PLXDC2: variants seen among roughly 807,000 people sequenced by gnomAD.
PLXDC2 encodes plexin domain-containing protein 2.
Under a neutral mutation model 68.9 loss-of-function variants are expected in PLXDC2, and 40 were observed. The ratio of observed to expected loss-of-function variants is 0.58; its 90% CI spans 0.45 to 0.76. The LOEUF is 0.76. Among genes scored for constraint, PLXDC2 ranks in the 30% least tolerant of loss-of-function variants. The probability of loss-of-function intolerance (pLI) is 0.00; values close to 1 mark genes in which losing one functional copy is unlikely to be tolerated. For missense variants in PLXDC2, 644 were observed against 661.9 expected, an observed-to-expected ratio of 0.97 and a Z score of 0.30; for synonymous variants, 243 against 234.2, an observed-to-expected ratio of 1.04 and a Z score of -0.34.
At chr10:20,169,118 C>T (rs1834412749) in intron 7 of PLXDC2, among the ~76,000 whole-genome samples, 1 of 152,128 alleles carries the variant, frequency 6.6e-6, no homozygotes, top group Admixed American at 6.6e-5. Flanking sequence ...GTTTGCATCG[C>T]ATATTATCAG....
At chr10:20,075,511 A>G (rs1331701448) in intron 4 of PLXDC2, among the ~76,000 whole-genome samples, 1 of 152,076 alleles carries the variant, frequency 6.6e-6, no homozygotes, top group Non-Finnish European at 1.5e-5. Context: ...TCTTTCACGA[A>G]TTTCATATTC....
chr10:19,964,056 A>C (rs1391596489), intron 1 of PLXDC2, among the ~76,000 whole-genome samples: 1 of 152,198 alleles, frequency 6.6e-6, no homozygotes, highest in East Asian at 1.9e-4. Flanking sequence ...AAACAGCATC[A>C]TCGGTTATAA....
chr10:19,958,397 T>A (rs1017450769), intron 1 of PLXDC2, among the ~76,000 whole-genome samples: 1 of 152,130 alleles, frequency 6.6e-6, no homozygotes, highest in Non-Finnish European at 1.5e-5. Context: ...AGTAAATATG[T>A]AATAAAACCT....
At position 20,105,735 on chromosome 10, in the gene PLXDC2, G is replaced by C. The variant is rs960658397; in HGVS notation, c.541+37496G>C. Among the ~76,000 whole-genome samples the C allele has an allele frequency of 3.3e-5, 5 of 152,280 alleles. No homozygotes were observed. The East Asian group carries it at 7.7e-4, about 24-fold the overall frequency. On this transcript the variant is annotated intron_variant, in intron 4 of 13. Coordinates refer to ENST00000377252, the MANE Select transcript of PLXDC2 (RefSeq NM_032812.9). ...AAATGGGTATCACCTTGGTTGTCAG[G>C]CTCTCAACATCCTCATTAAGAACCT...
At chr10:20,164,388 A>G in intron 6 of PLXDC2, 80 bp from the exon 7 acceptor site, 1 of 1,139,724 alleles carries the variant, frequency 8.8e-7, no homozygotes, top group Admixed American at 1.8e-5. Flanking sequence ...TTTGTCCATG[A>G]AACAAGAGGA....
intron 1 of PLXDC2, among the ~76,000 whole-genome samples, chr10:19,848,141 C>T (rs1326244): frequency 0.056 from 8,480 of 152,098 alleles, 246 homozygotes; most frequent in Middle Eastern, 0.11. Context: ...TATAAAATTT[C>T]TTTTTAATTA....
At chr10:20,126,771 C>CGTT (rs1564325315) in intron 4 of PLXDC2, among the ~76,000 whole-genome samples, 23 of 2,262 alleles carry the variant, frequency 0.01, 1 homozygote, top group East Asian at 0.033. Flanking sequence ...ATAGAACACA[C>CGTT]ATGTTATATA....
chr10:20,164,502 A>G lies in PLXDC2; in HGVS notation c.818A>G (p.Asn273Ser), dbSNP rs1301265921. 5 of 1,613,682 alleles carry G rather than the reference A, an allele frequency of 3.1e-6. No individual in the cohort carries two copies. The highest frequency in any genetic ancestry group is 2.2e-5 in the South Asian group (2 of 91,078). The change falls in exon 7 of 14, where the codon AAT (asparagine) becomes AGT (serine). Residue 273 changes from asparagine to serine, a missense_variant. Asn to Ser is a conservative substitution (Grantham distance 46, BLOSUM62 1). Around this residue, in one of 3 missense-constraint regions of PLXDC2, gnomAD observed 330 missense variants for 327.9 expected, o/e 1.01. Transcript: ENST00000377252. Reference sequence around the variant, plus strand: ...TTGGTCACACAGATAAGTTCAACCAATCATCCAGTGAAAGTCGGACTGTCC... The same window carrying G: ...TTGGTCACACAGATAAGTTCAACCAGTCATCCAGTGAAAGTCGGACTGTCC... The part of the protein sequence containing the change: ...PVLVTQISST[N>S]HPVKVGLSDA...
chr10:20,024,303 G>A (rs1022529091), intron 2 of PLXDC2, among the ~76,000 whole-genome samples: 2 of 152,144 alleles, frequency 1.3e-5, no homozygotes, highest in African/African-American at 2.4e-5. Flanking sequence ...GGACTAATTG[G>A]TAAGAGATCA....
chr10:20,133,061 G>T (rs1342265604), intron 4 of PLXDC2, among the ~76,000 whole-genome samples: 1 of 152,090 alleles, frequency 6.6e-6, no homozygotes, highest in Admixed American at 6.5e-5. Context: ...GTTTTAAACT[G>T]ATAACAATGT....
chr10:20,044,522 C>A (rs1835763340), intron 2 of PLXDC2, among the ~76,000 whole-genome samples: 1 of 151,820 alleles, frequency 6.6e-6, no homozygotes, highest in Non-Finnish European at 1.5e-5. Flanking sequence ...TTTGGCTAGG[C>A]TGTTCTGGAA....
At chr10:19,994,590 C>T (rs1834811019) in intron 1 of PLXDC2, among the ~76,000 whole-genome samples, 1 of 152,022 alleles carries the variant, frequency 6.6e-6, no homozygotes, top group Non-Finnish European at 1.5e-5. Context: ...CTCAAGCAAT[C>T]TGCTTGCCTC....
At chr10:20,134,649 C>T (rs1297343789) in intron 4 of PLXDC2, among the ~76,000 whole-genome samples, 1 of 152,178 alleles carries the variant, frequency 6.6e-6, no homozygotes, top group African/African-American at 2.4e-5. Flanking sequence ...GGGAATCAAC[C>T]TGGCACAAGG....
intron 12 of PLXDC2, among the ~76,000 whole-genome samples, chr10:20,231,702 A>T (rs1261849276): frequency 2.0e-5 from 3 of 151,940 alleles, no homozygotes; most frequent in African/African-American, 4.8e-5. Flanking sequence ...GGATTTTTTT[A>T]AAAATTATAA....
chr10:19,926,057 A>G (rs2131384796), intron 1 of PLXDC2, among the ~76,000 whole-genome samples: 1 of 152,330 alleles, frequency 6.6e-6, no homozygotes, highest in South Asian at 2.1e-4. Flanking sequence ...TTTTTTAAAT[A>G]TAGGACAAAT....
intron 2 of PLXDC2, among the ~76,000 whole-genome samples, chr10:20,019,862 A>G (rs1048608848): frequency 1.3e-5 from 2 of 152,118 alleles, no homozygotes; most frequent in African/African-American, 2.4e-5. Flanking sequence ...TTAAGACTAT[A>G]TATGTGGAAA....
chr10:19,931,952 A>AGTGTGTGTGTGT (rs33953625), intron 1 of PLXDC2, among the ~76,000 whole-genome samples: 15,827 of 149,568 alleles, frequency 0.11, 904 homozygotes, highest in African/African-American at 0.15. Flanking sequence ...TAATTTGGGA[A>AGTGTGTGTGTGT]GTGTGTGTGT....
chr10:20,183,151 T>G (rs1834630918), intron 9 of PLXDC2, among the ~76,000 whole-genome samples: 1 of 151,924 alleles, frequency 6.6e-6, no homozygotes, highest in Admixed American at 6.6e-5. Flanking sequence ...AAGTCTGAGA[T>G]GCCTATCAGA....
chr10:20,030,090 T>TCC (rs1439680295), intron 2 of PLXDC2, among the ~76,000 whole-genome samples: 12 of 152,106 alleles, frequency 7.9e-5, no homozygotes, highest in African/African-American at 2.9e-4. Flanking sequence ...TACTTAAGAG[T>TCC]ATTATGAAAT....
Sources: allele counts gnomAD v4.1 joint callset (sites outside exome capture counted in the v4.1 genomes callset), GRCh38; gene constraint gnomAD v4.1.1; regional missense constraint gnomAD v4.1.1; transcripts MANE v1.5; gene names NCBI Gene and HGNC (gene_info 2026-07-23, HGNC 2026-07-21).